The following DLG2 variants were observed in gnomAD, a reference collection of about 807,000 sequenced individuals.
The protein encoded by DLG2 is disks large homolog 2.
Under a neutral mutation model 132.5 loss-of-function variants are expected in DLG2, and 45 were observed. The ratio of observed to expected loss-of-function variants is 0.34; its 90% CI spans 0.27 to 0.44. The LOEUF is 0.44. Among genes scored for constraint, DLG2 ranks in the 20% least tolerant of loss-of-function variants. The pLI is 1.00. For synonymous variants in DLG2, 424 were observed against 419.6 expected (o/e 1.01, Z -0.13); for missense variants, 1,045 against 1,196.9 (o/e 0.87, Z 1.87).
intron 3 of DLG2, among the ~76,000 whole-genome samples, chr11:85,550,111 T>C (rs934519611): frequency 7.2e-5 from 11 of 152,238 alleles, no homozygotes; most frequent in African/African-American, 2.7e-4. Context: ...TCCAATTCTC[T>C]TGCACAAGAT....
intron 19 of DLG2, among the ~76,000 whole-genome samples, chr11:83,589,173 C>A (rs2097144437): frequency 6.6e-6 from 1 of 151,198 alleles, no homozygotes; most frequent in Admixed American, 6.6e-5. Flanking sequence ...AGAGCAACTC[C>A]AAGACACATA....
rs571413523 is a variant in DLG2 at position 84,795,355 on chromosome 11, C to T, written c.358-260624G>A. Reference sequence around the variant, plus strand: ...CAACCTACCTGCGGACAGGAGCTACCCACTGTGGGTCCAATCTCTGCTGAA... The same window carrying T: ...CAACCTACCTGCGGACAGGAGCTACTCACTGTGGGTCCAATCTCTGCTGAA... On this transcript the variant is annotated intron_variant, in intron 6 of 27. Transcript: ENST00000376104. Among the ~76,000 whole-genome samples the T allele has an allele frequency of 2.6e-4, 39 of 152,130 alleles. 1 individual carries two copies. The South Asian group carries it at 8.1e-3, about 32-fold the overall frequency.
Position 83,663,099 on chromosome 11 carries a change from A to G in DLG2, c.1826-29774T>C, listed in dbSNP as rs899777234. 1.4e-4 allele frequency among the ~76,000 whole-genome samples: 21 copies of G among 152,202 alleles called. 1 individual carries two copies. Among genetic ancestry groups the G allele is most frequent in the African/African-American group, 4.1e-4 (17 of 41,456 alleles). Reference sequence around the variant, plus strand: ...TTCTGCTTAAAATAATAAAGGTGCTATCTATTTTCCTGACTAATTTAATGT... The same window carrying G: ...TTCTGCTTAAAATAATAAAGGTGCTGTCTATTTTCCTGACTAATTTAATGT... On this transcript the variant is annotated intron_variant, in intron 18 of 27. Coordinates refer to ENST00000376104, the MANE Select transcript of DLG2 (RefSeq NM_001142699.3).
intron 7 of DLG2, among the ~76,000 whole-genome samples, chr11:84,369,005 A>T (rs1209603163): frequency 1.3e-5 from 2 of 152,162 alleles, no homozygotes; most frequent in African/African-American, 4.8e-5. Flanking sequence ...GAGGTAACGT[A>T]TTCACAATGT....
chr11:84,188,476 A>C (rs2096329859), intron 8 of DLG2, among the ~76,000 whole-genome samples: 1 of 152,146 alleles, frequency 6.6e-6, no homozygotes, highest in African/African-American at 2.4e-5. Context: ...ACATTGACCA[A>C]GTTCAGCTAA....
intron 7 of DLG2, among the ~76,000 whole-genome samples, chr11:84,283,541 TA>T (rs1323186242): frequency 4.6e-5 from 7 of 152,202 alleles, no homozygotes; most frequent in Admixed American, 1.3e-4. Context: ...ATCTTTTGGT[TA>T]TTAGTCCAAC....
At chr11:85,399,003 GACCACATGATTGTATATTTAGAAA>G (rs1397876277) in intron 3 of DLG2, among the ~76,000 whole-genome samples, 1 of 152,148 alleles carries the variant, frequency 6.6e-6, no homozygotes, top group Non-Finnish European at 1.5e-5. Context: ...CCTGTTTGCA[GACCACATGATTGTATATTTAGAAA>G]ACCCCATTGT....
intron 6 of DLG2, chr11:85,021,731 G>C: frequency 2.8e-6 from 2 of 712,402 alleles, no homozygotes; most frequent in South Asian, 3.4e-5. Context: ...AGTGAGGAGG[G>C]AGAAGAGATT....
intron 7 of DLG2, among the ~76,000 whole-genome samples, chr11:84,501,745 T>C (rs528626825): frequency 2.6e-5 from 4 of 152,352 alleles, no homozygotes; most frequent in African/African-American, 9.6e-5. Context: ...TAATGTTCTC[T>C]AAATTACATT....
At chr11:84,238,806 A>G (rs1238404508) in intron 8 of DLG2, among the ~76,000 whole-genome samples, 1 of 152,098 alleles carries the variant, frequency 6.6e-6, no homozygotes, top group Non-Finnish European at 1.5e-5. Flanking sequence ...TTTTCACTCA[A>G]CTAGCCACTG....
intron 22 of DLG2, among the ~76,000 whole-genome samples, chr11:83,480,809 A>G (rs2093042024): frequency 6.6e-6 from 1 of 152,056 alleles, no homozygotes; most frequent in African/African-American, 2.4e-5. Flanking sequence ...GTGTGTAGGC[A>G]GTGTTTTCTT....
chr11:85,324,135 T>C lies in DLG2; in HGVS notation c.41-38770A>G, dbSNP rs371404140. On this transcript the variant is annotated intron_variant, in intron 3 of 27. Transcript: ENST00000376104. Reference sequence around the variant, plus strand: ...GGGGTCACACAGTCTGAAATGACCATTTATTTAAGTCACCAGACATGGCTT... The same window carrying C: ...GGGGTCACACAGTCTGAAATGACCACTTATTTAAGTCACCAGACATGGCTT... 2.6e-4 allele frequency among the ~76,000 whole-genome samples: 40 copies of C among 152,282 alleles called. No individual in the cohort carries two copies. The East Asian group carries it at 7.6e-3, about 29-fold the overall frequency.
chr11:84,176,258 C>A (rs891430211), intron 8 of DLG2, among the ~76,000 whole-genome samples: 22 of 150,718 alleles, frequency 1.5e-4, no homozygotes, highest in Admixed American at 4.0e-4. Flanking sequence ...CTGGAAAAAA[C>A]CTTTTAAATA....
At chr11:84,577,716 G>A (rs914221129) in intron 6 of DLG2, among the ~76,000 whole-genome samples, 6 of 152,318 alleles carry the variant, frequency 3.9e-5, no homozygotes, top group Admixed American at 2.6e-4. Context: ...TGATGATACA[G>A]TAGAAAAGAA....
chr11:85,337,496 T>C (rs1356169655), intron 3 of DLG2, among the ~76,000 whole-genome samples: 2 of 152,234 alleles, frequency 1.3e-5, no homozygotes, highest in Non-Finnish European at 2.9e-5. Flanking sequence ...CTGGGATCCA[T>C]ATCAAAGTTT....
rs946246508 is a variant in DLG2 at position 83,566,122 on chromosome 11, A to C, written c.1941-24264T>G. Reference sequence around the variant, plus strand: ...ATATAATTTCCCAGAAGAAGGGTACACAAGAAATGTGTGGCTTAAAATTCA... The same window carrying C: ...ATATAATTTCCCAGAAGAAGGGTACCCAAGAAATGTGTGGCTTAAAATTCA... On this transcript the variant is annotated intron_variant, in intron 19 of 27. Coordinates refer to ENST00000376104, the MANE Select transcript of DLG2 (RefSeq NM_001142699.3). Among the ~76,000 whole-genome samples the C allele has an allele frequency of 4.6e-5, 7 of 152,246 alleles. No individual in the cohort carries two copies. In the East Asian group the frequency reaches 7.7e-4, roughly 17 times the overall value.
rs865932811 is a variant in DLG2 at position 85,408,744 on chromosome 11, A to G, written c.41-123379T>C. ...CATGAACTCATCATTTTTTATGGCT[A>G]CATAGTATTCCATGGTGTATGTGTG... On this transcript the variant is annotated intron_variant, in intron 3 of 27. Coordinates refer to ENST00000376104, the MANE Select transcript of DLG2 (RefSeq NM_001142699.3). Among the ~76,000 whole-genome samples the G allele has an allele frequency of 2.2e-3, 328 of 151,498 alleles. 2 individuals are homozygous for G. Among genetic ancestry groups the G allele is most frequent in the African/African-American group, 7.5e-3 (308 of 41,148 alleles).
intron 3 of DLG2, among the ~76,000 whole-genome samples, chr11:85,457,960 C>G (rs949353990): frequency 1.3e-5 from 2 of 152,078 alleles, no homozygotes; most frequent in African/African-American, 4.8e-5. Context: ...TCTGCATTTC[C>G]TGAATTTGAA....
intron 17 of DLG2, among the ~76,000 whole-genome samples, chr11:83,799,475 T>C (rs2043764066): frequency 6.6e-6 from 1 of 152,102 alleles, no homozygotes; most frequent in Non-Finnish European, 1.5e-5. Flanking sequence ...TACAAATAAT[T>C]AAGGCCCAAA....
Sources: gnomAD v4.1 joint callset for allele counts (sites outside exome capture counted in the v4.1 genomes callset) on GRCh38, gnomAD v4.1.1 for gene constraint, MANE v1.5 for transcripts, NCBI Gene and HGNC (gene_info 2026-07-23, HGNC 2026-07-21) for gene names.